FRYL: variants seen among roughly 807,000 people sequenced by gnomAD.
The protein encoded by FRYL is protein furry homolog-like.
Under a neutral mutation model 351.2 loss-of-function variants are expected in FRYL, and 150 were observed. The ratio of observed to expected loss-of-function variants is 0.43; its 90% confidence interval spans 0.37 to 0.49. FRYL has a LOEUF of 0.49. FRYL is among the 20% of genes least tolerant of loss of function. The pLI, the probability that FRYL is intolerant of heterozygous loss-of-function variation, is 0.00. For missense variants in FRYL, 3,036 were observed against 3,619.3 expected, an observed-to-expected ratio of 0.84 and a Z score of 4.13; for synonymous variants, 1,153 against 1,257.1, an observed-to-expected ratio of 0.92 and a Z score of 1.75.
Position 48,550,625 on chromosome 4 carries a change from T to C in FRYL, c.4600A>G (p.Ser1534Gly), listed in dbSNP as rs1370238107. 6.8e-6 allele frequency: 11 copies of C among 1,613,610 alleles called. No homozygotes were observed. The highest frequency in any genetic ancestry group is 9.3e-6 in the Non-Finnish European group (11 of 1,179,598). The change falls in exon 38 of 64, where the codon AGC (serine) becomes GGC (glycine). Residue 1534 changes from serine to glycine, a missense_variant. Ser to Gly is a moderately conservative substitution (Grantham distance 56). Transcript: ENST00000358350. ...TCTTCATAAGATCCTCCAGAGCTGC[T>C]ACTGTATCGGGATTCTAGTCTGTGA... ...QHHRLESRYS[S>G]SSGGSYEEEK...
chr4:48,728,431 G>A (rs1281075116), intron 1 of FRYL, among the ~76,000 whole-genome samples: 1 of 152,038 alleles, frequency 6.6e-6, no homozygotes, highest in Non-Finnish European at 1.5e-5. Flanking sequence ...GGGAGTACCA[G>A]AAGGAAAGGA....
chr4:48,570,476 T>C (rs1464014093), intron 27 of FRYL, among the ~76,000 whole-genome samples: 2 of 152,198 alleles, frequency 1.3e-5, no homozygotes, highest in African/African-American at 4.8e-5. Flanking sequence ...AAGAAAAACA[T>C]CTTTAAAATG....
intron 1 of FRYL, among the ~76,000 whole-genome samples, chr4:48,736,850 GAAAA>G (rs368006420): frequency 4.9e-5 from 2 of 40,610 alleles, no homozygotes; most frequent in Admixed American, 7.6e-4. Context: ...ACTCTGTCTC[GAAAA>G]AAAAAAAAAA....
intron 3 of FRYL, among the ~76,000 whole-genome samples, chr4:48,644,030 G>A (rs1255933265): frequency 2.0e-5 from 3 of 152,006 alleles, no homozygotes; most frequent in Admixed American, 6.6e-5. Flanking sequence ...TGCAACCTCT[G>A]CCTCCCAGGA....
At chr4:48,747,446 T>C (rs1160744108) in intron 1 of FRYL, among the ~76,000 whole-genome samples, 1 of 152,222 alleles carries the variant, frequency 6.6e-6, no homozygotes, top group African/African-American at 2.4e-5. Context: ...ACTTTTACAA[T>C]TATTTTATTC....
At chr4:48,570,678 T>A (rs1166026212) in intron 27 of FRYL, 149 bp downstream of exon 27, 1 of 563,072 alleles carries the variant, frequency 1.8e-6, no homozygotes, top group Non-Finnish European at 3.2e-6. Context: ...ATCGAATGCA[T>A]ATTTATTTGT....
chr4:48,566,742 T>C (rs1736886371), intron 28 of FRYL, among the ~76,000 whole-genome samples: 1 of 152,228 alleles, frequency 6.6e-6, no homozygotes, highest in Admixed American at 6.5e-5. Context: ...GTAAATAATT[T>C]AACTTTTAAA....
intron 2 of FRYL, among the ~76,000 whole-genome samples, chr4:48,691,342 A>T (rs1422268245): frequency 6.6e-6 from 1 of 152,192 alleles, no homozygotes; most frequent in Non-Finnish European, 1.5e-5. Context: ...AAAAAGGACC[A>T]GTTGAAAAAA....
chr4:48,757,984 G>C (rs1380343853), intron 1 of FRYL, among the ~76,000 whole-genome samples: 1 of 152,154 alleles, frequency 6.6e-6, no homozygotes. Flanking sequence ...AAGAAATGGA[G>C]AAAGGATTCC....
chr4:48,532,697 T>C (rs552022753), intron 49 of FRYL, among the ~76,000 whole-genome samples: 1 of 152,188 alleles, frequency 6.6e-6, no homozygotes, highest in African/African-American at 2.4e-5. Flanking sequence ...TTTAACAAAA[T>C]CATGACTAAG....
intron 1 of FRYL, among the ~76,000 whole-genome samples, chr4:48,743,473 C>T (rs1477347299): frequency 6.6e-6 from 1 of 152,076 alleles, no homozygotes; most frequent in Non-Finnish European, 1.5e-5. Flanking sequence ...ACTTACAGCC[C>T]AGAAATGTTT....
intron 23 of FRYL, among the ~76,000 whole-genome samples, chr4:48,577,386 T>C (rs1288932313): frequency 6.6e-6 from 1 of 152,206 alleles, no homozygotes; most frequent in African/African-American, 2.4e-5. Context: ...TTAAGGTAAG[T>C]AATGCAAACA....
At chr4:48,684,335 C>T (rs1764949837) in intron 3 of FRYL, among the ~76,000 whole-genome samples, 1 of 152,172 alleles carries the variant, frequency 6.6e-6, no homozygotes, top group Admixed American at 6.5e-5. Context: ...GTTCAATTTC[C>T]TATGCTTCAT....
At chr4:48,717,488 A>C (rs1769000001) in intron 1 of FRYL, among the ~76,000 whole-genome samples, 1 of 151,414 alleles carries the variant, frequency 6.6e-6, no homozygotes, top group South Asian at 2.1e-4. Flanking sequence ...ATGTTCTCAA[A>C]ATCTATTATA....
chr4:48,557,015 A>G lies in FRYL; in HGVS notation c.4229T>C (p.Ile1410Thr), dbSNP rs1328334837. 3.1e-6 allele frequency: 5 copies of G among 1,607,546 alleles called. No individual in the cohort carries two copies. The highest frequency in any genetic ancestry group is 2.2e-5 in the East Asian group (1 of 44,782). Residue 1410 changes from isoleucine (I) to threonine (T), a missense_variant, in exon 35 of 64, where the codon ATT (isoleucine) becomes ACT (threonine). Coordinates refer to ENST00000358350, the MANE Select transcript of FRYL (RefSeq NM_015030.2). The stretch of plus-strand genomic sequence containing the variant: ...GCTTGGTTCGCTATTCACCCCACAA[A>G]TGCTGATCAAAAAGTGCAAAATTAT... The part of the protein sequence containing the change: ...LKIILHFLIS[I>T]CGVNSEPSLL...
intron 16 of FRYL, among the ~76,000 whole-genome samples, chr4:48,593,022 A>C (rs1238567015): frequency 6.6e-6 from 1 of 152,176 alleles, no homozygotes; most frequent in African/African-American, 2.4e-5. Flanking sequence ...ATTTTGAAAA[A>C]TCCTGAAAAT....
chr4:48,540,526 C>T lies in FRYL; in HGVS notation c.6122G>A (p.Arg2041Gln), dbSNP rs764312788. ...GCTTTGTACATTTTCAATCTTCTCT[C>T]GACTCTCTGATTTATCCAAAGGCAA... ...IHLPLDKSES[R>Q]EKIENVQSKL... is the part of the protein sequence containing the mutation. The change falls in exon 46 of 64, where the codon CGA becomes CAA. Residue 2041 changes from arginine to glutamine, a missense_variant. By Grantham distance (43) the Arg-to-Gln change is conservative. Around this residue, in one of 7 missense-constraint regions of FRYL, gnomAD observed 1,987 missense variants for 2,311.7 expected, o/e 0.86. Transcript: ENST00000358350. 2.2e-5 allele frequency: 35 copies of T among 1,613,862 alleles called. No homozygotes were observed. Among genetic ancestry groups the T allele is most frequent in the East Asian group, 6.7e-5 (3 of 44,886 alleles).
intron 3 of FRYL, among the ~76,000 whole-genome samples, chr4:48,665,298 C>G (rs952946252): frequency 6.6e-6 from 1 of 152,166 alleles, no homozygotes; most frequent in African/African-American, 2.4e-5. Context: ...AGATCACACA[C>G]CATACCAATT....
chr4:48,639,456 T>C (rs537968487), intron 3 of FRYL, among the ~76,000 whole-genome samples: 33 of 147,948 alleles, frequency 2.2e-4, no homozygotes, highest in African/African-American at 7.5e-4. Context: ...TTGCCACAAA[T>C]AGTACTAGAA....
Sources: gnomAD v4.1 joint callset for allele counts (sites outside exome capture counted in the v4.1 genomes callset) on GRCh38, gnomAD v4.1.1 for gene constraint, gnomAD v4.1.1 regional missense constraint, MANE v1.5 for transcripts, NCBI Gene and HGNC (gene_info 2026-07-23, HGNC 2026-07-21) for gene names.